Variants in COL10A1 observed in about 807,000 individuals in gnomAD.
The protein encoded by COL10A1 is collagen alpha-1(X) chain.
In COL10A1, 10 loss-of-function variants were observed where a neutral mutation model predicts 18.2. That is an observed-to-expected ratio of 0.55 (90% confidence interval 0.34 to 0.93). The LOEUF is 0.93. Among genes scored for constraint, COL10A1 ranks in the 40% least tolerant of loss-of-function variants. COL10A1 has a pLI of 0.02. For synonymous variants in COL10A1, 330 were observed against 316.6 expected (o/e 1.04, Z -0.45); for missense variants, 897 against 853.5 (o/e 1.05, Z -0.64).
At chr6:116,181,377 T>A in the COL10A1 span, among the ~76,000 whole-genome samples, 1 of 152,102 alleles carries the variant, frequency 6.6e-6, no homozygotes, top group Non-Finnish European at 1.5e-5. Flanking sequence ...ATTGGAATTA[T>A]CAGTTTAATT....
chr6:116,128,238 T>G (rs778383065), upstream of COL10A1, among the ~76,000 whole-genome samples: 1 of 152,204 alleles, frequency 6.6e-6, no homozygotes, highest in African/African-American at 2.4e-5. Flanking sequence ...AATAGTGTAC[T>G]TATTTCAGCA....
At chr6:116,170,349 T>C in the COL10A1 span, among the ~76,000 whole-genome samples, 8 of 152,156 alleles carry the variant, frequency 5.3e-5, no homozygotes. Flanking sequence ...AGTACAGACT[T>C]AAGTTAAACT....
chr6:116,153,164 A>G (rs554751165), intron 1 of COL10A1, among the ~76,000 whole-genome samples: 3 of 152,134 alleles, frequency 2.0e-5, no homozygotes, highest in East Asian at 3.9e-4. Context: ...CTACAAATAT[A>G]CAACATAATT....
the COL10A1 span, among the ~76,000 whole-genome samples, chr6:116,168,239 A>G: frequency 6.6e-6 from 1 of 151,740 alleles, no homozygotes; most frequent in East Asian, 1.9e-4. Flanking sequence ...AGTTATTCAT[A>G]TTTTAGAAGA....
At chr6:116,208,675 T>C in the COL10A1 span, among the ~76,000 whole-genome samples, 4 of 152,058 alleles carry the variant, frequency 2.6e-5, no homozygotes, top group African/African-American at 9.7e-5. Flanking sequence ...TTACCAGTGG[T>C]GGCTTTCAGC....
Position 116,125,481 on chromosome 6 carries a change from T to C in COL10A1, c.12A>G (p.Gln4=), listed in dbSNP as rs1779271894. 6.2e-7 allele frequency: 1 copy of C among 1,613,740 alleles called. No homozygotes were observed. Among genetic ancestry groups the C allele is most frequent in the Non-Finnish European group, 8.5e-7 (1 of 1,179,754 alleles). Residue 4 remains glutamine (Q), a synonymous_variant, in exon 2 of 3, where the codon CAA becomes CAG. Coordinates refer to ENST00000651968, the MANE Select transcript of COL10A1 (RefSeq NM_000493.4). The stretch of plus-strand genomic sequence containing the variant: ...AGGATACTAGCAGCAAAAAGGGTAT[T>C]TGTGGCAGCATATTCTCAGATGGAT... MLP[Q]IPFLLLVSLN...
intron 1 of COL10A1, among the ~76,000 whole-genome samples, chr6:116,144,387 G>A (rs919595631): frequency 4.6e-5 from 7 of 152,028 alleles, no homozygotes; most frequent in African/African-American, 1.7e-4. Flanking sequence ...TGTAGTCCCA[G>A]CTACTTGGGA....
At chr6:116,170,464 T>C in the COL10A1 span, among the ~76,000 whole-genome samples, 1 of 152,184 alleles carries the variant, frequency 6.6e-6, no homozygotes, top group South Asian at 2.1e-4. Context: ...ATAGCCACCA[T>C]TTTCTCATAG....
intron 1 of COL10A1, among the ~76,000 whole-genome samples, chr6:116,131,292 A>C (rs1779456776): frequency 6.6e-6 from 1 of 152,180 alleles, no homozygotes; most frequent in Non-Finnish European, 1.5e-5. Flanking sequence ...ATATTCAGAG[A>C]AGGGTAGCCT....
At chr6:116,210,277 GATTT>G in the COL10A1 span, among the ~76,000 whole-genome samples, 2 of 151,650 alleles carry the variant, frequency 1.3e-5, no homozygotes, top group African/African-American at 4.8e-5. Flanking sequence ...AAGCTAATTT[GATTT>G]GTCAAAATTT....
the COL10A1 span, among the ~76,000 whole-genome samples, chr6:116,196,595 A>G: frequency 1.2e-4 from 18 of 152,204 alleles, no homozygotes; most frequent in African/African-American, 4.3e-4. Context: ...TATATAGTAT[A>G]TAGAAAGTTG....
the COL10A1 span, among the ~76,000 whole-genome samples, chr6:116,175,631 G>A: frequency 1.3e-5 from 2 of 151,992 alleles, no homozygotes; most frequent in Non-Finnish European, 2.9e-5. Context: ...TTCTCTTTGT[G>A]TTTCAGTTTA....
chr6:116,208,032 C>CT, the COL10A1 span, among the ~76,000 whole-genome samples: 5,869 of 152,030 alleles, frequency 0.039, 153 homozygotes, highest in South Asian at 0.073. Flanking sequence ...TATTCCAGGT[C>CT]TTTCGTTTGT....
At chr6:116,172,417 G>A in the COL10A1 span, among the ~76,000 whole-genome samples, 2 of 150,870 alleles carry the variant, frequency 1.3e-5, no homozygotes, top group Admixed American at 6.6e-5. Context: ...TACCTCCCGG[G>A]TTCAGGCAAT....
upstream of COL10A1, among the ~76,000 whole-genome samples, chr6:116,161,014 A>T (rs1780315257): frequency 1.3e-5 from 2 of 152,032 alleles, no homozygotes; most frequent in African/African-American, 4.8e-5. Context: ...TGCAGCCATA[A>T]AAAATGATGA....
chr6:116,206,031 T>G, the COL10A1 span, among the ~76,000 whole-genome samples: 1 of 151,982 alleles, frequency 6.6e-6, no homozygotes, highest in African/African-American at 2.4e-5. Flanking sequence ...AGCCCAGTGT[T>G]TTTTCCTGGA....
the COL10A1 span, among the ~76,000 whole-genome samples, chr6:116,199,998 G>GGC: frequency 8.8e-6 from 1 of 113,372 alleles, no homozygotes; most frequent in Non-Finnish European, 1.6e-5. Flanking sequence ...AGTATGGAAA[G>GGC]TGGGGGGGGA....
chr6:116,176,737 A>C, the COL10A1 span, among the ~76,000 whole-genome samples: 1 of 152,018 alleles, frequency 6.6e-6, no homozygotes, highest in African/African-American at 2.4e-5. Context: ...CTTTTGTTTC[A>C]TTAGCATGAA....
At chr6:116,141,471 T>G (rs1035985070) in intron 1 of COL10A1, among the ~76,000 whole-genome samples, 4 of 152,076 alleles carry the variant, frequency 2.6e-5, no homozygotes, top group African/African-American at 9.7e-5. Flanking sequence ...ATTACTTACA[T>G]TGTTCTTTTC....
Sources: allele counts gnomAD v4.1 joint callset (sites outside exome capture counted in the v4.1 genomes callset), GRCh38; gene constraint gnomAD v4.1.1; transcripts MANE v1.5; gene names NCBI Gene and HGNC (gene_info 2026-07-23, HGNC 2026-07-21).